The following IL23R variants were observed in gnomAD, a reference collection of about 807,000 sequenced individuals.
The protein encoded by IL23R is interleukin-23 receptor.
IL23R carries 34 observed loss-of-function variants against 56.9 expected under a neutral mutation model. That is an observed-to-expected ratio of 0.60 (90% CI 0.45 to 0.80). The LOEUF (loss-of-function observed/expected upper bound fraction) is 0.80. IL23R is among the 30% of genes least tolerant of loss of function. The pLI, the probability that IL23R is intolerant of heterozygous loss-of-function variation, is 0.00. For synonymous variants in IL23R, 230 were observed against 249.2 expected, an observed-to-expected ratio of 0.92 and a Z score of 0.73; for missense variants, 635 against 730.0, an observed-to-expected ratio of 0.87 and a Z score of 1.50.
At chr1:67,241,294 C>T (rs568134564) in intron 9 of IL23R, among the ~76,000 whole-genome samples, 17 of 151,974 alleles carry the variant, frequency 1.1e-4, no homozygotes, top group Non-Finnish European at 2.2e-4. Context: ...GTAGAAGGTA[C>T]CTCCTTATGC....
At chr1:67,245,712 A>C (rs949540204) in intron 9 of IL23R, among the ~76,000 whole-genome samples, 2 of 152,216 alleles carry the variant, frequency 1.3e-5, no homozygotes, top group Non-Finnish European at 2.9e-5. Context: ...TCCGTTTGCC[A>C]GTATTTTATT....
chr1:67,261,376 G>T (rs1570938505), downstream of IL23R, among the ~76,000 whole-genome samples: 1 of 144,348 alleles, frequency 6.9e-6, no homozygotes. Flanking sequence ...ATTTACTAAG[G>T]CCATTTTGCT....
At chr1:67,261,835 T>C (rs1203855514), downstream of IL23R, among the ~76,000 whole-genome samples, 1 of 152,252 alleles carries the variant, frequency 6.6e-6, no homozygotes. Flanking sequence ...TGTTTGATCT[T>C]CTGCAAATGT....
chr1:67,252,650 A>C (rs945057249), intron 9 of IL23R, among the ~76,000 whole-genome samples: 1 of 152,124 alleles, frequency 6.6e-6, no homozygotes, highest in African/African-American at 2.4e-5. Context: ...GGTCTAATTC[A>C]TATCCCGCTT....
chr1:67,228,125 T>C (rs1408800291), intron 7 of IL23R, among the ~76,000 whole-genome samples: 13 of 138,594 alleles, frequency 9.4e-5, no homozygotes, highest in Admixed American at 2.3e-4. Context: ...TCTTTCTTTC[T>C]TTCCTTCTTT....
intron 7 of IL23R, among the ~76,000 whole-genome samples, chr1:67,225,486 T>A (rs1650551151): frequency 6.6e-6 from 1 of 151,586 alleles, no homozygotes; most frequent in South Asian, 2.1e-4. Context: ...TAGTAGGGTC[T>A]GTGGACAATC....
downstream of IL23R, among the ~76,000 whole-genome samples, chr1:67,260,846 A>G (rs574142313): frequency 2.4e-4 from 37 of 152,270 alleles, no homozygotes; most frequent in African/African-American, 8.4e-4. Flanking sequence ...GCAGTGCGCT[A>G]TGATCAATGA....
At chr1:67,257,234 G>A (rs1348928300) in intron 10 of IL23R, among the ~76,000 whole-genome samples, 4 of 152,088 alleles carry the variant, frequency 2.6e-5, no homozygotes, top group Admixed American at 6.6e-5. Flanking sequence ...ATGCTTAGTC[G>A]GCTTGGGTGG....
chr1:67,165,077 C>T (rs1450238091), upstream of IL23R, among the ~76,000 whole-genome samples: 1 of 151,976 alleles, frequency 6.6e-6, no homozygotes, highest in Non-Finnish European at 1.5e-5. Context: ...AGTGTGATGG[C>T]ATGTGCCTGT....
At chr1:67,237,434 ATCT>A (rs1570905960) in intron 8 of IL23R, among the ~76,000 whole-genome samples, 1 of 152,348 alleles carries the variant, frequency 6.6e-6, no homozygotes, top group African/African-American at 2.4e-5. Context: ...TTGTCTAGAC[ATCT>A]TCTTCAATCT....
At chr1:67,208,756 C>T (rs186739235) in intron 6 of IL23R, among the ~76,000 whole-genome samples, 1 of 152,262 alleles carries the variant, frequency 6.6e-6, no homozygotes, top group Non-Finnish European at 1.5e-5. Flanking sequence ...AATGTGGGGT[C>T]TGAGCCTCCA....
chr1:67,245,360 G>A (rs925040543), intron 9 of IL23R, among the ~76,000 whole-genome samples: 2 of 152,092 alleles, frequency 1.3e-5, no homozygotes, highest in African/African-American at 2.4e-5. Flanking sequence ...ATAGGAGTGC[G>A]GAGAGACAGC....
Position 67,182,958 on chromosome 1 carries a change from A to G in IL23R, c.490A>G (p.Ser164Gly). Residue 164 changes from serine to glycine, a missense_variant and splice_region_variant, in exon 4 of 11, where the codon AGT becomes GGT. Coordinates refer to ENST00000347310, the MANE Select transcript of IL23R (RefSeq NM_144701.3). The part of the protein sequence containing the change: ...IDTKYVVHVK[S>G]LETEEEQQYL... ...CACAAAATACGTGGTACATGTGAAGAGGTAGGTCACTTCCTCACGGCTTCA... is the reference window on the plus strand; with the variant it reads ...CACAAAATACGTGGTACATGTGAAGGGGTAGGTCACTTCCTCACGGCTTCA... 6.2e-7 allele frequency: 1 copy of G among 1,613,976 alleles called. No homozygotes were observed. The highest frequency in any genetic ancestry group is 8.5e-7 in the Non-Finnish European group (1 of 1,179,870).
At chr1:67,206,073 C>T (rs1290562062) in intron 5 of IL23R, among the ~76,000 whole-genome samples, 1 of 151,614 alleles carries the variant, frequency 6.6e-6, no homozygotes, top group Non-Finnish European at 1.5e-5. Flanking sequence ...AGTGCAGTGG[C>T]ATGATCTCAG....
At chr1:67,243,294 AT>A (rs1651972952) in intron 9 of IL23R, among the ~76,000 whole-genome samples, 1 of 146,206 alleles carries the variant, frequency 6.8e-6, no homozygotes, top group Non-Finnish European at 1.5e-5. Context: ...GTATTGGCTG[AT>A]TTAGCATGCG....
At chr1:67,262,483 T>C (rs1653226495), downstream of IL23R, among the ~76,000 whole-genome samples, 1 of 152,184 alleles carries the variant, frequency 6.6e-6, no homozygotes, top group Non-Finnish European at 1.5e-5. Flanking sequence ...ATACTGATGT[T>C]CATCTGAGTC....
intron 1 of IL23R, among the ~76,000 whole-genome samples, chr1:67,151,942 C>T (rs1036927532): frequency 3.9e-5 from 6 of 152,080 alleles, no homozygotes; most frequent in African/African-American, 1.2e-4. Flanking sequence ...CTTGGCTATA[C>T]GGGCTCTTTT....
At chr1:67,148,251 C>A (rs1488367329) in intron 1 of IL23R, among the ~76,000 whole-genome samples, 1 of 152,238 alleles carries the variant, frequency 6.6e-6, no homozygotes, top group East Asian at 1.9e-4. Flanking sequence ...TAGTGGACGG[C>A]GAGCGAAAGC....
intron 7 of IL23R, among the ~76,000 whole-genome samples, chr1:67,233,015 T>G (rs942617490): frequency 6.6e-6 from 1 of 151,920 alleles, no homozygotes; most frequent in Non-Finnish European, 1.5e-5. Context: ...TCCCCAGACA[T>G]GTGGAACTGT....
Sources: allele counts gnomAD v4.1 joint callset (sites outside exome capture counted in the v4.1 genomes callset), GRCh38; gene constraint gnomAD v4.1.1; transcripts MANE v1.5; gene names NCBI Gene and HGNC (gene_info 2026-07-23, HGNC 2026-07-21).